ATP5F1D: variants seen among roughly 807,000 people sequenced by gnomAD.
ATP5F1D encodes the protein ATP synthase F(1) complex subunit delta, mitochondrial.
ATP5F1D carries 16 observed loss-of-function variants against 13.0 expected under a neutral mutation model. That is an observed-to-expected ratio of 1.23 (90% confidence interval 0.83 to 1.87). The LOEUF is 1.87. Among genes scored for constraint, ATP5F1D ranks in the 40% most tolerant of loss-of-function variants. ATP5F1D has a pLI of 0.00. For synonymous variants in ATP5F1D, 129 were observed against 116.2 expected (o/e 1.11, Z -0.71); for missense variants, 294 against 246.2 (o/e 1.19, Z -1.30).
rs749690286 is a variant in ATP5F1D at position 1,244,301 on chromosome 19, T to C, written c.385-14T>C. 6.3e-7 allele frequency: 1 copy of C among 1,590,536 alleles called. No homozygotes were observed. The highest frequency in any genetic ancestry group is 8.6e-7 in the Non-Finnish European group (1 of 1,169,000). ...GTCGCTGCTGGCCCCTCACCGCCCC[T>C]CAACCCCTTGCAGGCAGCCAAGGCA... is the stretch of plus-strand genomic sequence containing the variant. On this transcript the variant is annotated splice_polypyrimidine_tract_variant and intron_variant, in intron 3 of 3. Transcript: ENST00000215375.
intron 2 of ATP5F1D, chr19:1,242,815 A>T (rs2081044410): frequency 2.1e-6 from 1 of 481,786 alleles, no homozygotes. Context: ...ACATGATGTA[A>T]CCCCGTCTCT....
At chr19:1,243,691 T>C (rs1229524889) in intron 2 of ATP5F1D, among the ~76,000 whole-genome samples, 6 of 152,172 alleles carry the variant, frequency 3.9e-5, no homozygotes, top group Admixed American at 6.5e-5. Flanking sequence ...TTGGGAGGGC[T>C]GATCAGATTA....
chr19:1,242,741 GCACT>G lies in ATP5F1D; in HGVS notation c.295+133_295+136del. The G allele has an allele frequency of 2.5e-6, 3 of 1,210,380 alleles. No individual in the cohort carries two copies. The Admixed American group carries it at 1.1e-4, about 46-fold the overall frequency. The allele number at this position is 1,210,380 out of a possible 1,614,324, so 75.0% of individuals were successfully genotyped here. A position where few individuals can be genotyped will look rare whatever the true frequency, so the allele number is the denominator to read the frequency against. ...ACGGTGGCTCAAGCCTGTAATCCCAGCACTTTGGGAGGCCGAGGCAGGTGGATCA... is the reference window on the plus strand; with the variant it reads ...ACGGTGGCTCAAGCCTGTAATCCCAGTTGGGAGGCCGAGGCAGGTGGATCA... On this transcript the variant is annotated intron_variant, in intron 2 of 3. Coordinates refer to ENST00000215375, the MANE Select transcript of ATP5F1D (RefSeq NM_001687.5).
Position 1,244,658 on chromosome 19 carries a change from G to A in ATP5F1D, c.*221G>A. ...TCCTCCTCAGCTTTGAGCTGTGGCT[G>A]CCACCCATGGGGCTCTCCTTCCGCC... On this transcript the variant is annotated 3_prime_UTR_variant, in exon 4 of 4. Transcript: ENST00000215375. 1 of 663,172 alleles carries A rather than the reference G, an allele frequency of 1.5e-6. No homozygotes were observed. The allele number at this position is 663,172 out of a possible 1,614,324, so 41.1% of individuals were successfully genotyped here.
Position 1,244,642 on chromosome 19 carries a change from G to T in ATP5F1D, c.*205G>T, listed in dbSNP as rs940367429. On this transcript the variant is annotated 3_prime_UTR_variant, in exon 4 of 4. Transcript: ENST00000215375. ...ACTGGGCCAGGGAAGCTCCTCCTCA[G>T]CTTTGAGCTGTGGCTGCCACCCATG... 3.8e-6 allele frequency: 3 copies of T among 786,520 alleles called. No homozygotes were observed. Among genetic ancestry groups the T allele is most frequent in the South Asian group, 1.9e-5 (1 of 52,018 alleles). 48.7% of individuals were successfully genotyped at this position (786,520 alleles called of 1,614,324 possible).
At chr19:1,244,268 G>A (rs202216827) in intron 3 of ATP5F1D, 47 bp from the exon 4 acceptor site, 23 of 1,580,468 alleles carry the variant, frequency 1.5e-5, no homozygotes, top group East Asian at 2.3e-5. Context: ...ACCAGGAGCC[G>A]GGCTGGGGTC....
chr19:1,242,541 C>T lies in ATP5F1D; in HGVS notation c.227C>T (p.Thr76Met), dbSNP rs1387789972. Residue 76 changes from threonine (T) to methionine (M), a missense_variant, in exon 2 of 4, where the codon ACG becomes ATG. Thr to Met is a moderately conservative substitution (Grantham distance 81). Transcript: ENST00000215375. Reference sequence around the variant, plus strand: ...GGCATCCTGGCGGCCCACGTGCCCACGCTGCAGGTCCTGCGGCCGGGGCTG... The same window carrying T: ...GGCATCCTGGCGGCCCACGTGCCCATGCTGCAGGTCCTGCGGCCGGGGCTG... ...AFGILAAHVPTLQVLRPGLVV... is the reference protein window; with the variant it reads ...AFGILAAHVPMLQVLRPGLVV... 5 of 1,547,866 alleles carry T rather than the reference C, an allele frequency of 3.2e-6. No homozygotes were observed. In the South Asian group the frequency reaches 3.6e-5, roughly 11 times the overall value.
At chr19:1,243,536 G>C (rs996972544) in intron 2 of ATP5F1D, among the ~76,000 whole-genome samples, 1 of 152,026 alleles carries the variant, frequency 6.6e-6, no homozygotes, top group Non-Finnish European at 1.5e-5. Context: ...CACACCTGTA[G>C]TCCCAGCTAC....
In ATP5F1D at chr19:1,242,486, G is replaced by T; in HGVS notation, c.172G>T (p.Val58Leu). ...VFFNGANVRQ[V>L]DVPTLTGAFG... ...CTTCAACGGTGCCAACGTCCGGCAG[G>T]TGGACGTGCCCACGCTGACCGGAGC... is the stretch of plus-strand genomic sequence containing the variant. The change falls in exon 2 of 4, where the codon GTG becomes TTG. Residue 58 changes from valine to leucine, a missense_variant. Transcript: ENST00000215375. 1 of 1,541,036 alleles carries T rather than the reference G, an allele frequency of 6.5e-7. No homozygotes were observed. Among genetic ancestry groups the T allele is most frequent in the Non-Finnish European group, 8.8e-7 (1 of 1,139,850 alleles).
In ATP5F1D at chr19:1,242,003, G is replaced by A; in HGVS notation, c.141+12G>A. 1 of 1,426,118 alleles carries A rather than the reference G, an allele frequency of 7.0e-7. No homozygotes were observed. Among genetic ancestry groups the A allele is most frequent in the Non-Finnish European group, 9.2e-7 (1 of 1,087,372 alleles). 88.3% of individuals were successfully genotyped at this position (1,426,118 alleles called of 1,614,324 possible). A position where few individuals can be genotyped will look rare whatever the true frequency, so the allele number is the denominator to read the frequency against. ...CCTCTCCCACGCAGGTTCGGGCGCTGCGGGTCGGGACCCTCCGTGGCCGCC... is the reference window on the plus strand; with the variant it reads ...CCTCTCCCACGCAGGTTCGGGCGCTACGGGTCGGGACCCTCCGTGGCCGCC... On this transcript the variant is annotated intron_variant, in intron 1 of 3. Coordinates refer to ENST00000215375, the MANE Select transcript of ATP5F1D (RefSeq NM_001687.5).
chr19:1,244,632 C>T lies in ATP5F1D; in HGVS notation c.*195C>T. On this transcript the variant is annotated 3_prime_UTR_variant, in exon 4 of 4. Coordinates refer to ENST00000215375, the MANE Select transcript of ATP5F1D (RefSeq NM_001687.5). Reference sequence around the variant, plus strand: ...AGCTCTGGGGACTGGGCCAGGGAAGCTCCTCCTCAGCTTTGAGCTGTGGCT... The same window carrying T: ...AGCTCTGGGGACTGGGCCAGGGAAGTTCCTCCTCAGCTTTGAGCTGTGGCT... The T allele has an allele frequency of 3.5e-6, 3 of 863,540 alleles. No homozygotes were observed. The highest frequency in any genetic ancestry group is 1.8e-5 in the South Asian group (1 of 54,738). 53.5% of individuals were successfully genotyped at this position (863,540 alleles called of 1,614,324 possible).
chr19:1,244,687 C>G lies in ATP5F1D; in HGVS notation c.*250C>G. The G allele has an allele frequency of 1.8e-6, 1 of 555,078 alleles. No homozygotes were observed. Among genetic ancestry groups the G allele is most frequent in the Non-Finnish European group, 3.1e-6 (1 of 323,192 alleles). The allele number at this position is 555,078 out of a possible 1,614,324, so 34.4% of individuals were successfully genotyped here. A position where few individuals can be genotyped will look rare whatever the true frequency, so the allele number is the denominator to read the frequency against. Reference sequence around the variant, plus strand: ...CCCATGGGGCTCTCCTTCCGCCTCTCAAGATCCCCCCAGCCTGACGGGCCG... The same window carrying G: ...CCCATGGGGCTCTCCTTCCGCCTCTGAAGATCCCCCCAGCCTGACGGGCCG... On this transcript the variant is annotated 3_prime_UTR_variant, in exon 4 of 4. Transcript: ENST00000215375.
chr19:1,244,081 C>G lies in ATP5F1D; in HGVS notation c.296-16C>G, dbSNP rs202170308. ...CCTTTGGGGTCTCACGCCTTCCCCC[C>G]GCCCCATTCCCCCAGTGAGCAGCGG... On this transcript the variant is annotated splice_polypyrimidine_tract_variant and intron_variant, in intron 2 of 3. Coordinates refer to ENST00000215375, the MANE Select transcript of ATP5F1D (RefSeq NM_001687.5). 6 of 1,603,544 alleles carry G rather than the reference C, an allele frequency of 3.7e-6. No individual in the cohort carries two copies. The highest frequency in any genetic ancestry group is 1.7e-4 in the Middle Eastern group (1 of 6,054).
At position 1,242,489 on chromosome 19, in the gene ATP5F1D, G is replaced by T; in HGVS notation, c.175G>T (p.Asp59Tyr). The T allele has an allele frequency of 6.5e-7, 1 of 1,542,646 alleles. No individual in the cohort carries two copies. Among genetic ancestry groups the T allele is most frequent in the Non-Finnish European group, 8.8e-7 (1 of 1,140,918 alleles). ...CAACGGTGCCAACGTCCGGCAGGTG[G>T]ACGTGCCCACGCTGACCGGAGCCTT... is the stretch of plus-strand genomic sequence containing the variant. The part of the protein sequence containing the change: ...FFNGANVRQV[D>Y]VPTLTGAFGI... Residue 59 changes from aspartate to tyrosine, a missense_variant, in exon 2 of 4, where the codon GAC becomes TAC. By Grantham distance (160) the Asp-to-Tyr change is radical. Transcript: ENST00000215375.
intron 2 of ATP5F1D, 159 bp from the exon 3 acceptor site, chr19:1,243,938 C>G: frequency 4.2e-6 from 3 of 716,482 alleles, no homozygotes; most frequent in Non-Finnish European, 7.0e-6. Context: ...CATGTTGGGC[C>G]CAGGGCCAGT....
At position 1,241,983 on chromosome 19, in the gene ATP5F1D, C is replaced by A. The variant is rs1430058524; in HGVS notation, c.133C>A (p.Pro45Thr). The A allele has an allele frequency of 2.1e-6, 3 of 1,461,110 alleles. No individual in the cohort carries two copies. The highest frequency in any genetic ancestry group is 1.8e-4 in the Middle Eastern group (1 of 5,494). The allele number at this position is 1,461,110 out of a possible 1,614,324, so 90.5% of individuals were successfully genotyped here. A position where few individuals can be genotyped will look rare whatever the true frequency, so the allele number is the denominator to read the frequency against. The change falls in exon 1 of 4, where the codon CCC (proline) becomes ACC (threonine). Residue 45 changes from proline (P) to threonine (T), a missense_variant. Transcript: ENST00000215375. ...PNQMSFTFAS[P>T]TQVFFNGANV... is the part of the protein sequence containing the mutation. ...CCAGATGTCCTTCACCTTCGCCTCT[C>A]CCACGCAGGTTCGGGCGCTGCGGGT...
At chr19:1,242,416 C>T (rs1310357046) in intron 1 of ATP5F1D, 40 bp from the exon 2 acceptor site, 1 of 1,465,760 alleles carries the variant, frequency 6.8e-7, no homozygotes, top group Non-Finnish European at 9.1e-7. Flanking sequence ...GGCGCGGGGC[C>T]GGCCTGCCCC....
chr19:1,243,164 C>T (rs76493528), intron 2 of ATP5F1D: 6,998 of 152,614 alleles, frequency 0.046, 361 homozygotes, highest in East Asian at 0.12. Context: ...AGAGGGGACC[C>T]TGCTCTCAGC....
rs1342235236 is a variant in ATP5F1D at position 1,244,752 on chromosome 19, T to G, written c.*315T>G. 3.2e-6 allele frequency: 1 copy of G among 313,750 alleles called. No individual in the cohort carries two copies. Among genetic ancestry groups the G allele is most frequent in the Non-Finnish European group, 5.9e-6 (1 of 168,456 alleles). The allele number at this position is 313,750 out of a possible 1,614,324, so 19.4% of individuals were successfully genotyped here. A position where few individuals can be genotyped will look rare whatever the true frequency, so the allele number is the denominator to read the frequency against. On this transcript the variant is annotated 3_prime_UTR_variant, in exon 4 of 4. Transcript: ENST00000215375. Reference sequence around the variant, plus strand: ...TGCCCTGCAGAGCCAGCCGCCAAGGTTGACCTCAGCTTCGGAGCCACCTCT... The same window carrying G: ...TGCCCTGCAGAGCCAGCCGCCAAGGGTGACCTCAGCTTCGGAGCCACCTCT...
Sources: allele counts gnomAD v4.1 joint callset (sites outside exome capture counted in the v4.1 genomes callset), GRCh38; gene constraint gnomAD v4.1.1; transcripts MANE v1.5; gene names NCBI Gene and HGNC (gene_info 2026-07-23, HGNC 2026-07-21).